CDIN1: variants seen among roughly 807,000 people sequenced by gnomAD.
CDIN1 encodes the protein CDAN1 interacting nuclease 1.
Under a neutral mutation model 45.3 loss-of-function variants are expected in CDIN1, and 33 were observed. The observed-to-expected ratio is 0.73, with a 90% CI of 0.55 to 0.97. The LOEUF is 0.97. Ranked by LOEUF, CDIN1 falls within the 50% of genes least tolerant of loss-of-function variation. CDIN1 has a pLI of 0.00. For synonymous variants in CDIN1, 118 were observed against 124.4 expected (o/e 0.95, Z 0.34); for missense variants, 303 against 339.4 (o/e 0.89, Z 0.84).
intron 10 of CDIN1, chr15:36,804,793 CTCT>C (rs1212561293): frequency 1.3e-4 from 19 of 151,092 alleles, no homozygotes; most frequent in African/African-American, 4.1e-4. Flanking sequence ...CCACCACAGC[CTCT>C]AGAGTAGCTA....
chr15:36,609,202 A>G (rs2038529277), intron 1 of CDIN1, among the ~76,000 whole-genome samples: 2 of 152,138 alleles, frequency 1.3e-5, no homozygotes, highest in South Asian at 4.2e-4. Context: ...ATTTTTATGG[A>G]TGGGGGTCTC....
At position 36,808,519 on chromosome 15, in the gene CDIN1, C is replaced by T. The variant is rs993048161; in HGVS notation, c.*66C>T. On this transcript the variant is annotated 3_prime_UTR_variant, in exon 11 of 11. Coordinates refer to ENST00000566621, the MANE Select transcript of CDIN1 (RefSeq NM_001321759.2). The stretch of plus-strand genomic sequence containing the variant: ...ATCCGGAAGCAATTTTACTTTCCTG[C>T]ACTGTAAGATCCTGGCAACATCTGC... 6.3e-6 allele frequency: 10 copies of T among 1,582,438 alleles called. No homozygotes were observed. The Admixed American group carries it at 1.6e-4, about 26-fold the overall frequency.
chr15:36,697,378 C>T lies in CDIN1; in HGVS notation c.532C>T (p.Leu178=), dbSNP rs1485498898. Residue 178 remains leucine, a synonymous_variant, in exon 8 of 11, where the codon CTG becomes TTG. Coordinates refer to ENST00000566621, the MANE Select transcript of CDIN1 (RefSeq NM_001321759.2). ...LLRDLLLEKN[L]SFLDEDQLRA... is the part of the protein sequence containing the mutation. ...GAGAGACTTGCTTCTAGAGAAAAACCTGTCCTTCCTAGGTAAGTATTATTC... is the reference window on the plus strand; with the variant it reads ...GAGAGACTTGCTTCTAGAGAAAAACTTGTCCTTCCTAGGTAAGTATTATTC... The T allele has an allele frequency of 6.2e-7, 1 of 1,611,696 alleles. No homozygotes were observed. Among genetic ancestry groups the T allele is most frequent in the East Asian group, 2.2e-5 (1 of 44,730 alleles).
At chr15:36,736,652 A>G (rs1302777104) in intron 10 of CDIN1, among the ~76,000 whole-genome samples, 1 of 152,140 alleles carries the variant, frequency 6.6e-6, no homozygotes, top group African/African-American at 2.4e-5. Flanking sequence ...TCTGCTGTTA[A>G]TGTTCTAGCA....
At chr15:36,601,966 A>T (rs1008550309) in intron 1 of CDIN1, among the ~76,000 whole-genome samples, 2 of 152,192 alleles carry the variant, frequency 1.3e-5, no homozygotes, top group African/African-American at 4.8e-5. Flanking sequence ...AGCAGCTCTC[A>T]ATTTTTTTTT....
chr15:36,686,304 G>A (rs2042041554), intron 5 of CDIN1, among the ~76,000 whole-genome samples: 3 of 149,002 alleles, frequency 2.0e-5, no homozygotes, highest in South Asian at 4.3e-4. Context: ...GTAAACTATC[G>A]CAAGAACAAA....
chr15:36,775,781 C>T (rs901371559), intron 10 of CDIN1, among the ~76,000 whole-genome samples: 1 of 152,008 alleles, frequency 6.6e-6, no homozygotes, highest in African/African-American at 2.4e-5. Context: ...TATGATATTT[C>T]GATATTTATA....
intron 10 of CDIN1, among the ~76,000 whole-genome samples, chr15:36,740,627 G>A (rs1402778146): frequency 2.0e-5 from 3 of 152,080 alleles, no homozygotes; most frequent in Admixed American, 6.5e-5. Flanking sequence ...AGTGGCTCAC[G>A]CCTGTAATCC....
intron 8 of CDIN1, among the ~76,000 whole-genome samples, chr15:36,701,716 T>C (rs528096708): frequency 1.3e-5 from 2 of 152,268 alleles, no homozygotes; most frequent in Admixed American, 1.3e-4. Context: ...TAACAATTAT[T>C]TTGAGTGACA....
At chr15:36,750,540 C>T (rs953565205) in intron 10 of CDIN1, among the ~76,000 whole-genome samples, 2 of 152,134 alleles carry the variant, frequency 1.3e-5, no homozygotes, top group Non-Finnish European at 2.9e-5. Flanking sequence ...AAGGTGCTTA[C>T]AGTCTCTGAT....
chr15:36,774,950 TTGA>T (rs1459055492), intron 10 of CDIN1, among the ~76,000 whole-genome samples: 2 of 152,344 alleles, frequency 1.3e-5, no homozygotes, highest in East Asian at 3.9e-4. Context: ...AGGAATATTA[TTGA>T]TGACATAAAT....
chr15:36,742,073 A>G (rs924639196), intron 10 of CDIN1, among the ~76,000 whole-genome samples: 3 of 152,210 alleles, frequency 2.0e-5, no homozygotes, highest in East Asian at 3.8e-4. Context: ...ATAAAAGCGT[A>G]GATGAAACCA....
chr15:36,584,986 C>T (rs1367397738), intron 1 of CDIN1, among the ~76,000 whole-genome samples: 1 of 151,182 alleles, frequency 6.6e-6, no homozygotes, highest in East Asian at 1.9e-4. Context: ...GAAGTACTTG[C>T]TGAGGACATA....
At chr15:36,593,856 G>T (rs968948057) in intron 1 of CDIN1, among the ~76,000 whole-genome samples, 1 of 152,108 alleles carries the variant, frequency 6.6e-6, no homozygotes, top group African/African-American at 2.4e-5. Flanking sequence ...GAGCCACCGC[G>T]CCTGGCTGAA....
chr15:36,774,355 G>T (rs79808114), intron 10 of CDIN1, among the ~76,000 whole-genome samples: 3,911 of 152,000 alleles, frequency 0.026, 171 homozygotes, highest in African/African-American at 0.088. Flanking sequence ...CAATTGATAA[G>T]TTGAGCTATT....
intron 1 of CDIN1, among the ~76,000 whole-genome samples, chr15:36,625,817 C>T (rs952231928): frequency 2.6e-5 from 4 of 152,130 alleles, no homozygotes; most frequent in African/African-American, 7.2e-5. Flanking sequence ...TGTGCTCAGG[C>T]TGCCATAGCA....
chr15:36,787,330 C>T (rs559646204), intron 10 of CDIN1, among the ~76,000 whole-genome samples: 7 of 152,282 alleles, frequency 4.6e-5, no homozygotes, highest in African/African-American at 1.4e-4. Flanking sequence ...TAAGCCACCT[C>T]CATCACTACC....
chr15:36,693,800 A>G (rs1387924047), intron 7 of CDIN1, among the ~76,000 whole-genome samples: 1 of 152,194 alleles, frequency 6.6e-6, no homozygotes, highest in African/African-American at 2.4e-5. Flanking sequence ...CCATACATCA[A>G]TAATAGGTAT....
intron 1 of CDIN1, 87 bp downstream of exon 1, chr15:36,580,048 C>A: frequency 8.5e-7 from 1 of 1,169,592 alleles, no homozygotes; most frequent in South Asian, 1.4e-5. Flanking sequence ...AACCACGTGT[C>A]ACACATGAGT....
Sources: gnomAD v4.1 joint callset for allele counts (sites outside exome capture counted in the v4.1 genomes callset) on GRCh38, gnomAD v4.1.1 for gene constraint, MANE v1.5 for transcripts, NCBI Gene and HGNC (gene_info 2026-07-23, HGNC 2026-07-21) for gene names.